The following PAX2 variants were observed in gnomAD, a reference collection of about 807,000 sequenced individuals.
The protein encoded by PAX2 is paired box 2.
In PAX2, 9 loss-of-function variants were observed where a neutral mutation model predicts 41.7. The ratio of observed to expected loss-of-function variants is 0.22; its 90% confidence interval spans 0.13 to 0.38. PAX2 has a LOEUF of 0.38. Among genes scored for constraint, PAX2 ranks in the 10% least tolerant of loss-of-function variants. The pLI, the probability that PAX2 is intolerant of heterozygous loss-of-function variation, is 1.00. For synonymous variants in PAX2, 221 were observed against 212.7 expected (o/e 1.04, Z -0.34); for missense variants, 418 against 531.6 (o/e 0.79, Z 2.10).
At chr10:100,782,390 G>T (rs752286762) in intron 5 of PAX2, among the ~76,000 whole-genome samples, 18 of 152,206 alleles carry the variant, frequency 1.2e-4, no homozygotes, top group African/African-American at 4.1e-4. Flanking sequence ...CAAAAATGTC[G>T]TGTTTGGACA....
At chr10:100,772,915 G>A (rs1429921015) in intron 3 of PAX2, among the ~76,000 whole-genome samples, 2 of 152,182 alleles carry the variant, frequency 1.3e-5, no homozygotes, top group Non-Finnish European at 2.9e-5. Flanking sequence ...ATGTACAGGG[G>A]TTGTCAGCAA....
intron 3 of PAX2, among the ~76,000 whole-genome samples, chr10:100,758,484 G>A (rs1279529225): frequency 6.6e-6 from 1 of 152,208 alleles, no homozygotes; most frequent in Non-Finnish European, 1.5e-5. Context: ...TTGTTGTAGG[G>A]ATGTTGGGGG....
chr10:100,747,526 T>G, intron 1 of PAX2: 7 of 636,800 alleles, frequency 1.1e-5, no homozygotes, highest in Non-Finnish European at 1.4e-5. Context: ...CTCCTCCCTA[T>G]CTGCAGATTA....
intron 1 of PAX2, among the ~76,000 whole-genome samples, chr10:100,746,847 G>C (rs776110285): frequency 2.6e-5 from 4 of 152,266 alleles, no homozygotes; most frequent in Non-Finnish European, 5.9e-5. Context: ...TTGGGCAGAA[G>C]AGTGTGGGGG....
intron 3 of PAX2, among the ~76,000 whole-genome samples, chr10:100,758,558 T>G (rs944978790): frequency 1.3e-5 from 2 of 152,234 alleles, no homozygotes; most frequent in African/African-American, 4.8e-5. Flanking sequence ...AGATGCGCTG[T>G]GGCTGCAGGA....
At chr10:100,800,748 C>A (rs1316669314) in intron 5 of PAX2, among the ~76,000 whole-genome samples, 2 of 152,118 alleles carry the variant, frequency 1.3e-5, no homozygotes, top group Admixed American at 1.3e-4. Flanking sequence ...AGGGCCCTGA[C>A]CTGGGGTGAG....
At chr10:100,820,701 G>A (rs997257390) in intron 7 of PAX2, among the ~76,000 whole-genome samples, 2 of 152,342 alleles carry the variant, frequency 1.3e-5, no homozygotes, top group African/African-American at 2.4e-5. Context: ...GCGATAGAGC[G>A]AGACTTCATC....
chr10:100,755,361 G>A (rs926056586), intron 3 of PAX2, among the ~76,000 whole-genome samples: 29 of 152,178 alleles, frequency 1.9e-4, no homozygotes, highest in African/African-American at 5.3e-4. Context: ...GGCAACTCTC[G>A]AGAAGAGGCA....
chr10:100,788,506 G>T (rs1484680851), intron 5 of PAX2, among the ~76,000 whole-genome samples: 1 of 152,248 alleles, frequency 6.6e-6, no homozygotes, highest in South Asian at 2.1e-4. Context: ...GGCTGAGGCT[G>T]ATGGGGGAAG....
intron 1 of PAX2, 80 bp from the exon 2 acceptor site, chr10:100,749,666 C>A (rs537996569): frequency 1.3e-6 from 2 of 1,546,808 alleles, no homozygotes; most frequent in African/African-American, 1.4e-5. Flanking sequence ...TTCCTTCGCC[C>A]GTCCCGGGCC....
chr10:100,793,620 G>A (rs1847217866), intron 5 of PAX2, among the ~76,000 whole-genome samples: 1 of 152,158 alleles, frequency 6.6e-6, no homozygotes, highest in Admixed American at 6.5e-5. Flanking sequence ...GGGGTTCTAG[G>A]TTTCCTCCAT....
At position 100,808,828 on chromosome 10, in the gene PAX2, G is replaced by A. The variant is rs142717622; in HGVS notation, c.793-282G>A. On this transcript the variant is annotated intron_variant, in intron 6 of 9. Transcript: ENST00000355243. ...GTATCCCCACTACTACACCCTACCC[G>A]CAGGGGTGCTTAGGCAGGAGATGCT... Among the ~76,000 whole-genome samples the A allele has an allele frequency of 9.6e-3, 1,465 of 152,110 alleles. 13 individuals carry two copies. Among genetic ancestry groups the A allele is most frequent in the Non-Finnish European group, 0.015 (1,021 of 67,980 alleles).
chr10:100,795,438 T>C (rs919584091), intron 5 of PAX2, among the ~76,000 whole-genome samples: 14 of 152,214 alleles, frequency 9.2e-5, no homozygotes, highest in Non-Finnish European at 4.4e-5. Flanking sequence ...AGCAGTTGCT[T>C]CCACTCAGGG....
intron 5 of PAX2, among the ~76,000 whole-genome samples, chr10:100,789,060 G>A (rs113611716): frequency 2.6e-5 from 4 of 152,142 alleles, no homozygotes; most frequent in Admixed American, 1.3e-4. Context: ...AGCACTGTAA[G>A]AAGGCATTTA....
intron 7 of PAX2, among the ~76,000 whole-genome samples, chr10:100,818,289 T>A (rs768308036): frequency 6.6e-6 from 1 of 152,240 alleles, no homozygotes; most frequent in African/African-American, 2.4e-5. Context: ...ATCTGAGCCA[T>A]CATGAGCAGC....
intron 5 of PAX2, 81 bp from the exon 6 acceptor site, chr10:100,806,349 A>C (rs1847779949): frequency 6.9e-7 from 1 of 1,452,924 alleles, no homozygotes; most frequent in African/African-American, 1.4e-5. Flanking sequence ...CCGGAACCAG[A>C]TGCCCACCTC....
intron 5 of PAX2, among the ~76,000 whole-genome samples, chr10:100,804,947 G>GTCTCTCTCTCCCTCTCTT (rs1236580363): frequency 8.1e-6 from 1 of 123,916 alleles, no homozygotes; most frequent in Non-Finnish European, 1.8e-5. Flanking sequence ...CTTGATCTCT[G>GTCTCTCTCTCCCTCTCTT]TCTCTCTCTC....
chr10:100,825,155 G>T (rs1235583706), intron 8 of PAX2, among the ~76,000 whole-genome samples: 1 of 152,094 alleles, frequency 6.6e-6, no homozygotes, highest in Non-Finnish European at 1.5e-5. Context: ...CCAGGGGCAT[G>T]TCAGTCACTC....
upstream of PAX2, among the ~76,000 whole-genome samples, chr10:100,743,251 G>C (rs1453355573): frequency 6.6e-6 from 1 of 152,176 alleles, no homozygotes; most frequent in Admixed American, 6.5e-5. Flanking sequence ...GTGAAGGACA[G>C]GTGTGTGAGG....
Sources: allele counts gnomAD v4.1 joint callset (sites outside exome capture counted in the v4.1 genomes callset), GRCh38; gene constraint gnomAD v4.1.1; transcripts MANE v1.5; gene names NCBI Gene and HGNC (gene_info 2026-07-23, HGNC 2026-07-21).